Variants in RNFT2 observed in about 807,000 individuals in gnomAD.
The protein encoded by RNFT2 is E3 ubiquitin-protein ligase RNFT2.
A neutral mutation model predicts 53.0 loss-of-function variants in RNFT2; 36 were observed. The ratio of observed to expected loss-of-function variants is 0.68; its 90% CI spans 0.52 to 0.90. RNFT2 has a LOEUF of 0.90. Among genes scored for constraint, RNFT2 ranks in the 40% least tolerant of loss-of-function variants. The pLI is 0.00. For missense variants in RNFT2, 514 were observed against 585.6 expected (o/e 0.88, Z 1.26); for synonymous variants, 260 against 253.2 (o/e 1.03, Z -0.26).
At chr12:116,835,784 C>T (rs1263915622) in intron 8 of RNFT2, among the ~76,000 whole-genome samples, 176 bp from the exon 9 acceptor site, 1 of 152,048 alleles carries the variant, frequency 6.6e-6, no homozygotes, top group African/African-American at 2.4e-5. Flanking sequence ...TATTAGGCAA[C>T]AAGACAAAAG....
intron 7 of RNFT2, among the ~76,000 whole-genome samples, chr12:116,825,078 C>T (rs1448276334): frequency 6.6e-6 from 1 of 152,218 alleles, no homozygotes; most frequent in African/African-American, 2.4e-5. Flanking sequence ...TCTTCACTCC[C>T]AGGTCTGATG....
intron 6 of RNFT2, among the ~76,000 whole-genome samples, chr12:116,767,380 G>A (rs12231952): frequency 0.034 from 5,172 of 151,496 alleles, 250 homozygotes; most frequent in East Asian, 0.11. Context: ...CACCACACCT[G>A]GCTAATTTTT....
chr12:116,820,472 G>A (rs986864893), intron 7 of RNFT2, among the ~76,000 whole-genome samples: 1 of 152,188 alleles, frequency 6.6e-6, no homozygotes, highest in Non-Finnish European at 1.5e-5. Context: ...GTGGTTACTG[G>A]ATTGGCTGTG....
At chr12:116,799,141 C>A (rs569194735) in intron 7 of RNFT2, among the ~76,000 whole-genome samples, 1 of 152,288 alleles carries the variant, frequency 6.6e-6, no homozygotes, top group Admixed American at 6.5e-5. Context: ...GATCGTAGGA[C>A]TTGAGGTCCT....
At chr12:116,820,085 ATTGTTTGT>A (rs974469726) in intron 7 of RNFT2, among the ~76,000 whole-genome samples, 2 of 151,952 alleles carry the variant, frequency 1.3e-5, no homozygotes, top group African/African-American at 2.4e-5. Context: ...TTTAAGGGAT[ATTGTTTGT>A]TTGTTTGTTT....
At chr12:116,827,855 G>C (rs1158875340) in intron 7 of RNFT2, among the ~76,000 whole-genome samples, 5 of 152,350 alleles carry the variant, frequency 3.3e-5, no homozygotes, top group East Asian at 1.9e-4. Flanking sequence ...AAGATCCAAA[G>C]ACAGTGACCA....
intron 5 of RNFT2, among the ~76,000 whole-genome samples, chr12:116,757,157 G>A (rs76742224): frequency 6.6e-6 from 1 of 152,028 alleles, no homozygotes; most frequent in African/African-American, 2.4e-5. Flanking sequence ...TATTTCAGTG[G>A]TGTCACTTGA....
intron 7 of RNFT2, among the ~76,000 whole-genome samples, chr12:116,820,974 C>T (rs570210606): frequency 6.6e-6 from 1 of 152,084 alleles, no homozygotes; most frequent in Non-Finnish European, 1.5e-5. Flanking sequence ...TCTGTTCTTC[C>T]CTCCCCTGCC....
chr12:116,807,824 G>C (rs1373003530), intron 7 of RNFT2, among the ~76,000 whole-genome samples: 1 of 151,854 alleles, frequency 6.6e-6, no homozygotes, highest in Non-Finnish European at 1.5e-5. Context: ...TTTGTTTTGA[G>C]ATAGGGTCTT....
At chr12:116,806,776 A>G (rs1008172827) in intron 7 of RNFT2, among the ~76,000 whole-genome samples, 9 of 150,146 alleles carry the variant, frequency 6.0e-5, no homozygotes, top group African/African-American at 2.2e-4. Context: ...GTTGAATTTG[A>G]TCAAAAAGCA....
intron 3 of RNFT2, among the ~76,000 whole-genome samples, chr12:116,747,782 G>A (rs1247846089): frequency 6.6e-6 from 1 of 152,132 alleles, no homozygotes; most frequent in East Asian, 1.9e-4. Flanking sequence ...GTGAGAGAAG[G>A]AGGGAGTGGC....
chr12:116,773,049 G>A (rs547032630), intron 6 of RNFT2, among the ~76,000 whole-genome samples: 17 of 151,696 alleles, frequency 1.1e-4, no homozygotes, highest in Non-Finnish European at 2.1e-4. Flanking sequence ...GGATGGTCTC[G>A]ATCTCTTGAC....
At chr12:116,768,736 C>CTT (rs1555260486) in intron 6 of RNFT2, among the ~76,000 whole-genome samples, 1 of 142,904 alleles carries the variant, frequency 7.0e-6, no homozygotes, top group African/African-American at 2.6e-5. Context: ...TTTTCTCTCT[C>CTT]TTTTTTTTTT....
chr12:116,801,832 G>GT (rs960493652), intron 7 of RNFT2, among the ~76,000 whole-genome samples: 2 of 141,840 alleles, frequency 1.4e-5, no homozygotes, highest in Admixed American at 7.0e-5. Flanking sequence ...TTGTTTGTTT[G>GT]TTTTTTTGAG....
chr12:116,842,151 G>A (rs1013719221), intron 10 of RNFT2, among the ~76,000 whole-genome samples: 1 of 151,186 alleles, frequency 6.6e-6, no homozygotes, highest in Non-Finnish European at 1.5e-5. Flanking sequence ...CTAATGGGCT[G>A]TGAAATTGGA....
At chr12:116,826,615 T>C (rs1414271349) in intron 7 of RNFT2, among the ~76,000 whole-genome samples, 2 of 152,240 alleles carry the variant, frequency 1.3e-5, no homozygotes, top group Non-Finnish European at 2.9e-5. Context: ...ATTGCTACCT[T>C]TAACGGGGTG....
chr12:116,788,915 G>T (rs1874066238), intron 7 of RNFT2, among the ~76,000 whole-genome samples: 1 of 146,848 alleles, frequency 6.8e-6, no homozygotes, highest in South Asian at 2.3e-4. Context: ...AGTGATGGAT[G>T]GATGGTGGAT....
rs150577051 is a variant in RNFT2, at chr12:116,785,530, G to A, written c.882+6182G>A. Reference sequence around the variant, plus strand: ...TAGTCTTGAACTCCTGGGCTCAAGTGATTTTCCTGTTTCAGCCTTCCAAAG... The same window carrying A: ...TAGTCTTGAACTCCTGGGCTCAAGTAATTTTCCTGTTTCAGCCTTCCAAAG... On this transcript the variant is annotated intron_variant, in intron 7 of 10. Coordinates refer to ENST00000257575, the MANE Select transcript of RNFT2 (RefSeq NM_001382266.1). 2.6e-5 allele frequency among the ~76,000 whole-genome samples: 4 copies of A among 152,180 alleles called. No homozygotes were observed. The East Asian group carries it at 7.7e-4, about 29-fold the overall frequency.
rs550229046 is a variant in RNFT2, at chr12:116,750,115, G to A, written c.358G>A (p.Gly120Ser). The stretch of plus-strand genomic sequence containing the variant: ...GCCCCACCACCATTTCCACCATGGC[G>A]GCCACCGCGGGGGCTCCCTGCTGCA... ...RQPHHHFHHG[G>S]HRGGSLLQHV... Residue 120 changes from glycine to serine, a missense_variant, in exon 4 of 11, where the codon GGC (glycine) becomes AGC (serine). Gly to Ser is a moderately conservative substitution (Grantham distance 56, BLOSUM62 0). This residue lies in a region of RNFT2 where 237 missense variants were observed against 235.1 expected (regional missense o/e 1.01). Coordinates refer to ENST00000257575, the MANE Select transcript of RNFT2 (RefSeq NM_001382266.1). The A allele has an allele frequency of 3.1e-5, 48 of 1,563,832 alleles. No homozygotes were observed. The highest frequency in any genetic ancestry group is 3.8e-5 in the Non-Finnish European group (44 of 1,161,098).
Sources: gnomAD v4.1 joint callset for allele counts (sites outside exome capture counted in the v4.1 genomes callset) on GRCh38, gnomAD v4.1.1 for gene constraint, gnomAD v4.1.1 regional missense constraint, MANE v1.5 for transcripts, NCBI Gene and HGNC (gene_info 2026-07-23, HGNC 2026-07-21) for gene names.